Variants in TRMT61B observed in about 807,000 individuals in gnomAD.
TRMT61B encodes the protein tRNA methyltransferase 61B, also known as tRNA (adenine(58)-N(1))-methyltransferase, mitochondrial.
A neutral mutation model predicts 52.0 loss-of-function variants in TRMT61B; 56 were observed. That is an observed-to-expected ratio of 1.08 (90% CI 0.87 to 1.35). The LOEUF (loss-of-function observed/expected upper bound fraction) is 1.35, where lower values mean the gene tolerates loss of function less well. TRMT61B is among the 40% of genes most tolerant of loss of function. TRMT61B has a pLI of 0.00. For missense variants in TRMT61B, 650 were observed against 577.9 expected (o/e 1.12, Z -1.28); for synonymous variants, 206 against 220.0 (o/e 0.94, Z 0.56).
At position 28,861,276 on chromosome 2, in the gene TRMT61B, C is replaced by T; in HGVS notation, c.835G>A (p.Val279Ile). 3 of 1,602,784 alleles carry T rather than the reference C, an allele frequency of 1.9e-6. No homozygotes were observed. Among genetic ancestry groups the T allele is most frequent in the Non-Finnish European group, 1.7e-6 (2 of 1,176,844 alleles). ...GCCAGATCATGGTGGTCTTTTCGTA[C>T]CTCAAAACTTATGACTCGTCCTTGT... Reference protein sequence around the residue: ...GSQGRVISFEVRKDHHDLAKK... With the variant: ...GSQGRVISFEIRKDHHDLAKK... Residue 279 changes from valine (V) to isoleucine (I), a missense_variant, in exon 3 of 7, where the codon GTA becomes ATA. Transcript: ENST00000306108.
rs1351790223 is a variant in TRMT61B, at chr2:28,865,035, A to T, written c.784T>A (p.Leu262Ile). Residue 262 changes from leucine (L) to isoleucine (I), a missense_variant, in exon 2 of 7, where the codon TTA becomes ATA. Physicochemically the swap from Leu to Ile is conservative, Grantham distance 5. Coordinates refer to ENST00000306108, the MANE Select transcript of TRMT61B (RefSeq NM_017910.4). ...CTCTTACCTGCTTTGGATAAAAATA[A>T]GCTCATTCCACCAGAGCCTGAGCCA... ...EAGSGSGGMSLFLSKAVGSQG... is the reference protein window; with the variant it reads ...EAGSGSGGMSIFLSKAVGSQG... 4 of 1,610,638 alleles carry T rather than the reference A, an allele frequency of 2.5e-6. No homozygotes were observed. Among genetic ancestry groups the T allele is most frequent in the Non-Finnish European group, 3.4e-6 (4 of 1,176,980 alleles).
In TRMT61B at chr2:28,849,876, G is replaced by C. The variant is rs1668995517; in HGVS notation, c.*323C>G. On this transcript the variant is annotated 3_prime_UTR_variant, in exon 7 of 7. Coordinates refer to ENST00000306108, the MANE Select transcript of TRMT61B (RefSeq NM_017910.4). ...AGTCAATGACCATCAATCAAATAAA[G>C]GAAAGAAAACTAATTTCTTGAAGAA... 6.3e-7 allele frequency: 1 copy of C among 1,582,770 alleles called. No homozygotes were observed. The highest frequency in any genetic ancestry group is 2.3e-5 in the East Asian group (1 of 44,182).
chr2:28,868,233 T>C (rs565548615), intron 1 of TRMT61B, among the ~76,000 whole-genome samples: 43 of 152,284 alleles, frequency 2.8e-4, no homozygotes, highest in Admixed American at 1.0e-3. Flanking sequence ...ATCTGACCCA[T>C]TGAGGCCACA....
At chr2:28,856,739 A>G (rs1172913046) in intron 3 of TRMT61B, among the ~76,000 whole-genome samples, 3 of 151,804 alleles carry the variant, frequency 2.0e-5, no homozygotes, top group Admixed American at 6.6e-5. Context: ...GTTTCCAGAG[A>G]TTCTCTTGCC....
At chr2:28,850,988 A>G in intron 5 of TRMT61B, 84 bp downstream of exon 5, 2 of 845,766 alleles carry the variant, frequency 2.4e-6, no homozygotes, top group Non-Finnish European at 1.7e-6. Flanking sequence ...TTGCTGAGGA[A>G]TATTTTTATA....
intron 4 of TRMT61B, among the ~76,000 whole-genome samples, chr2:28,851,812 G>A (rs1000763048): frequency 8.3e-5 from 12 of 144,608 alleles, no homozygotes; most frequent in East Asian, 4.2e-4. Context: ...CCAGGAGGCG[G>A]AGGTTGCAGC....
chr2:28,853,455 T>C (rs1468020559), intron 3 of TRMT61B, among the ~76,000 whole-genome samples: 1 of 152,120 alleles, frequency 6.6e-6, no homozygotes, highest in Admixed American at 6.5e-5. Flanking sequence ...GGATTACAGA[T>C]GTGAACCGCT....
At chr2:28,865,159 A>T in intron 1 of TRMT61B, 40 bp from the exon 2 acceptor site, 1 of 1,138,628 alleles carries the variant, frequency 8.8e-7, no homozygotes, top group Non-Finnish European at 1.3e-6. Flanking sequence ...GCGACCAATA[A>T]ATATGTACTA....
chr2:28,866,088 C>G (rs1423002685), intron 1 of TRMT61B, among the ~76,000 whole-genome samples: 1 of 151,890 alleles, frequency 6.6e-6, no homozygotes, highest in East Asian at 1.9e-4. Context: ...CTCCTGGGTT[C>G]AAGCGATTCT....
intron 3 of TRMT61B, among the ~76,000 whole-genome samples, chr2:28,860,824 A>G (rs114911637): frequency 7.2e-4 from 109 of 152,290 alleles, no homozygotes; most frequent in African/African-American, 2.5e-3. Context: ...CTTCCAAAGT[A>G]TGATTCATCC....
At chr2:28,859,675 T>C (rs1024445652) in intron 3 of TRMT61B, among the ~76,000 whole-genome samples, 1 of 152,076 alleles carries the variant, frequency 6.6e-6, no homozygotes, top group East Asian at 1.9e-4. Context: ...TGAATAAATC[T>C]AAAAAAGAGT....
chr2:28,852,469 T>C lies in TRMT61B; in HGVS notation c.1024A>G (p.Thr342Ala). The stretch of plus-strand genomic sequence containing the variant: ...AGATGTGGGTAAAAAACAGGCAAAG[T>C]AACATGAGGATTTAACATATCCAAA... ...VALDMLNPHV[T>A]LPVFYPHLKH... is the part of the protein sequence containing the mutation. Residue 342 changes from threonine to alanine, a missense_variant, in exon 4 of 7, where the codon ACT becomes GCT. Transcript: ENST00000306108. 10 of 1,612,378 alleles carry C rather than the reference T, an allele frequency of 6.2e-6. No homozygotes were observed. Among genetic ancestry groups the C allele is most frequent in the Non-Finnish European group, 8.5e-6 (10 of 1,178,800 alleles).
At position 28,862,276 on chromosome 2, in the gene TRMT61B, G is replaced by T. The variant is rs116210379; in HGVS notation, c.803-968C>A. ...CCCTAAGTTATTGAACTTTTTATCT[G>T]TATCAATCTAAAAAGTGAATAAAGT... On this transcript the variant is annotated intron_variant, in intron 2 of 6. Transcript: ENST00000306108. Among the ~76,000 whole-genome samples, 376 of 142,430 alleles carry T rather than the reference G, an allele frequency of 2.6e-3. 5 individuals are homozygous for T. Among genetic ancestry groups the T allele is most frequent in the African/African-American group, 9.4e-3 (363 of 38,754 alleles). The allele number at this position is 142,430 out of a possible 152,430, so 93.4% of individuals were successfully genotyped here.
chr2:28,864,703 T>C (rs925914142), intron 2 of TRMT61B, among the ~76,000 whole-genome samples: 2 of 152,176 alleles, frequency 1.3e-5, no homozygotes, highest in African/African-American at 4.8e-5. Context: ...TTCATTGAGA[T>C]ATACACTTAT....
rs61373068 is a variant in TRMT61B, at chr2:28,863,430, CA to C, written c.802+1586del. Among the ~76,000 whole-genome samples, 216 of 119,582 alleles carry C rather than the reference CA, an allele frequency of 1.8e-3. 2 individuals carry two copies. In the East Asian group the frequency reaches 0.022, roughly 12 times the overall value. 78.5% of individuals were successfully genotyped at this position (119,582 alleles called of 152,430 possible). A position where few individuals can be genotyped will look rare whatever the true frequency, so the allele number is the denominator to read the frequency against. ...TGGGGAACAGAGTGAGAACCCGCCT[CA>C]AAAAAAAAAAAAAAGTAACATAAAC... On this transcript the variant is annotated intron_variant, in intron 2 of 6. Transcript: ENST00000306108.
chr2:28,856,545 T>C (rs944714295), intron 3 of TRMT61B, among the ~76,000 whole-genome samples: 1 of 152,212 alleles, frequency 6.6e-6, no homozygotes, highest in Non-Finnish European at 1.5e-5. Flanking sequence ...CAGACTCATC[T>C]CCTCATACCA....
chr2:28,854,713 T>C (rs893336759), intron 3 of TRMT61B, among the ~76,000 whole-genome samples: 9 of 122,210 alleles, frequency 7.4e-5, no homozygotes, highest in African/African-American at 2.8e-4. Flanking sequence ...CATTCCAGCC[T>C]GGGCGACAGA....
chr2:28,865,703 G>A (rs1306678098), intron 1 of TRMT61B, among the ~76,000 whole-genome samples: 2 of 111,138 alleles, frequency 1.8e-5, no homozygotes, highest in Admixed American at 1.3e-4. Context: ...TTTGGGAGAC[G>A]AAGTCTCACT....
intron 1 of TRMT61B, among the ~76,000 whole-genome samples, chr2:28,867,395 T>A (rs2148153128): frequency 6.6e-6 from 1 of 152,074 alleles, no homozygotes; most frequent in East Asian, 1.9e-4. Context: ...GCACTCTGCC[T>A]CTGGTCATAT....
Sources: allele counts gnomAD v4.1 joint callset (sites outside exome capture counted in the v4.1 genomes callset), GRCh38; gene constraint gnomAD v4.1.1; transcripts MANE v1.5; gene names NCBI Gene and HGNC (gene_info 2026-07-23, HGNC 2026-07-21).